NRG3: variants seen among roughly 807,000 people sequenced by gnomAD.
The protein encoded by NRG3 is pro-neuregulin-3, membrane-bound isoform.
In NRG3, 31 loss-of-function variants were observed where a neutral mutation model predicts 66.9. The observed-to-expected ratio is 0.46, with a 90% CI of 0.35 to 0.63. The LOEUF (loss-of-function observed/expected upper bound fraction) is 0.63, where lower values mean the gene tolerates loss of function less well. Ranked by LOEUF, NRG3 falls within the 20% of genes least tolerant of loss-of-function variation. The pLI, the probability that NRG3 is intolerant of heterozygous loss-of-function variation, is 0.00. For missense variants in NRG3, 910 were observed against 878.9 expected (o/e 1.04, Z -0.45); for synonymous variants, 393 against 359.4 (o/e 1.09, Z -1.06).
In NRG3 at chr10:82,583,222, C is replaced by T. The variant is rs532578726; in HGVS notation, c.954-155355C>T. Among the ~76,000 whole-genome samples, 195 of 152,242 alleles carry T rather than the reference C, an allele frequency of 1.3e-3. 1 individual carries two copies. Among genetic ancestry groups the T allele is most frequent in the African/African-American group, 4.4e-3 (181 of 41,540 alleles). On this transcript the variant is annotated intron_variant, in intron 2 of 8. Coordinates refer to ENST00000372141, the MANE Select transcript of NRG3 (RefSeq NM_001010848.4). The stretch of plus-strand genomic sequence containing the variant: ...GAAGTAAATGCCTAAAATATCTGTA[C>T]TTCTCAGTTTTACAAAACAATCAAT...
At chr10:82,015,301 G>A (rs1253106801) in intron 1 of NRG3, among the ~76,000 whole-genome samples, 3 of 152,166 alleles carry the variant, frequency 2.0e-5, no homozygotes, top group African/African-American at 7.2e-5. Context: ...TGTATTTGAA[G>A]ATACTTTTCT....
intron 2 of NRG3, among the ~76,000 whole-genome samples, chr10:82,729,179 A>G (rs958438867): frequency 3.9e-5 from 6 of 152,138 alleles, no homozygotes; most frequent in African/African-American, 1.4e-4. Flanking sequence ...CTGACTACCT[A>G]CATTGAAAAC....
intron 4 of NRG3, among the ~76,000 whole-genome samples, chr10:82,914,862 C>T (rs1210999188): frequency 1.3e-5 from 2 of 151,720 alleles, no homozygotes; most frequent in Admixed American, 6.6e-5. Context: ...TTGGGTATTT[C>T]TCATGGTGGT....
intron 1 of NRG3, among the ~76,000 whole-genome samples, chr10:82,176,492 A>G (rs898798157): frequency 6.6e-6 from 1 of 152,016 alleles, no homozygotes; most frequent in African/African-American, 2.4e-5. Context: ...TGCTCCCTAT[A>G]TGTTTCTATC....
At chr10:82,501,637 C>T (rs979121359) in intron 2 of NRG3, among the ~76,000 whole-genome samples, 21 of 152,134 alleles carry the variant, frequency 1.4e-4, no homozygotes, top group Non-Finnish European at 2.5e-4. Context: ...AGGCTATTCT[C>T]TCTAAAATAT....
At chr10:82,844,340 A>C (rs1366434844) in intron 3 of NRG3, among the ~76,000 whole-genome samples, 1 of 152,220 alleles carries the variant, frequency 6.6e-6, no homozygotes, top group Non-Finnish European at 1.5e-5. Flanking sequence ...AATATACAGA[A>C]GATGTTGGGA....
At chr10:82,877,604 G>T (rs1391655603) in intron 4 of NRG3, among the ~76,000 whole-genome samples, 1 of 142,896 alleles carries the variant, frequency 7.0e-6, no homozygotes, top group African/African-American at 2.6e-5. Context: ...GGCCAGGCTG[G>T]TCTTGAACTC....
intron 1 of NRG3, among the ~76,000 whole-genome samples, chr10:82,288,556 C>T (rs1190670732): frequency 6.6e-6 from 1 of 152,132 alleles, no homozygotes; most frequent in African/African-American, 2.4e-5. Flanking sequence ...AGTCAACAAA[C>T]ATTTATTGAG....
chr10:82,740,636 C>A (rs2058377030), intron 3 of NRG3, among the ~76,000 whole-genome samples: 2 of 151,806 alleles, frequency 1.3e-5, no homozygotes, highest in African/African-American at 4.8e-5. Context: ...CCAGCCTGGC[C>A]AACATGGTGA....
chr10:82,289,717 A>G (rs1219407984), intron 1 of NRG3, among the ~76,000 whole-genome samples: 1 of 152,202 alleles, frequency 6.6e-6, no homozygotes, highest in African/African-American at 2.4e-5. Flanking sequence ...GGGAATGCCA[A>G]ATGAAAGCCA....
At position 82,124,879 on chromosome 10, in the gene NRG3, T is replaced by C. The variant is rs547883784; in HGVS notation, c.824-233860T>C. Among the ~76,000 whole-genome samples the C allele has an allele frequency of 1.4e-4, 21 of 152,070 alleles. No homozygotes were observed. In the East Asian group the frequency reaches 3.9e-3, roughly 28 times the overall value. On this transcript the variant is annotated intron_variant, in intron 1 of 8. Transcript: ENST00000372141. ...CACAGCAAAACATCATATCATCTAA[T>C]AATGGCCCGATTGTCAGCTTCTCAA...
chr10:82,735,702 C>T (rs754159769), intron 2 of NRG3, among the ~76,000 whole-genome samples: 2 of 151,888 alleles, frequency 1.3e-5, no homozygotes, highest in Non-Finnish European at 2.9e-5. Context: ...GGGAGTTGAA[C>T]AATGAAAGCA....
At chr10:82,371,480 C>T (rs1447430048) in intron 2 of NRG3, among the ~76,000 whole-genome samples, 2 of 152,010 alleles carry the variant, frequency 1.3e-5, no homozygotes, top group Non-Finnish European at 2.9e-5. Flanking sequence ...GTTCCGAGTC[C>T]ACTGTAAAGT....
At chr10:82,216,101 TAGC>T (rs2075661984) in intron 1 of NRG3, among the ~76,000 whole-genome samples, 1 of 136,592 alleles carries the variant, frequency 7.3e-6, no homozygotes, top group Non-Finnish European at 1.5e-5. Context: ...CCAAGTAGAG[TAGC>T]TAGGATTACA....
At chr10:82,179,288 A>C (rs145813096) in intron 1 of NRG3, among the ~76,000 whole-genome samples, 1 of 151,584 alleles carries the variant, frequency 6.6e-6, no homozygotes, top group African/African-American at 2.4e-5. Context: ...TTTGTTGTCT[A>C]TTCTTTCGCT....
intron 1 of NRG3, among the ~76,000 whole-genome samples, chr10:82,151,272 A>G (rs752495564): frequency 6.6e-5 from 10 of 152,330 alleles, no homozygotes; most frequent in Non-Finnish European, 1.3e-4. Flanking sequence ...AACTGAAATA[A>G]TGCATGACTA....
chr10:82,725,781 G>A (rs991471581), intron 2 of NRG3, among the ~76,000 whole-genome samples: 2 of 152,140 alleles, frequency 1.3e-5, no homozygotes, highest in Non-Finnish European at 1.5e-5. Flanking sequence ...TTGAACAGGT[G>A]TACTGTATTT....
At chr10:82,663,902 C>G (rs1050851408) in intron 2 of NRG3, among the ~76,000 whole-genome samples, 10 of 152,174 alleles carry the variant, frequency 6.6e-5, no homozygotes, top group African/African-American at 2.2e-4. Context: ...ATTCAGGAAA[C>G]ACATCCAAGC....
At chr10:82,952,305 C>A (rs1002950621) in intron 5 of NRG3, among the ~76,000 whole-genome samples, 2 of 151,770 alleles carry the variant, frequency 1.3e-5, no homozygotes, top group African/African-American at 4.8e-5. Flanking sequence ...TGGTGGCGTG[C>A]CACTGTAGTC....
Sources: gnomAD v4.1 joint callset for allele counts (sites outside exome capture counted in the v4.1 genomes callset) on GRCh38, gnomAD v4.1.1 for gene constraint, MANE v1.5 for transcripts, NCBI Gene and HGNC (gene_info 2026-07-23, HGNC 2026-07-21) for gene names.